NETO1: variants seen among roughly 807,000 people sequenced by gnomAD.
NETO1 encodes neuropilin and tolloid-like protein 1.
NETO1 carries 26 observed loss-of-function variants against 61.3 expected under a neutral mutation model. That is an observed-to-expected ratio of 0.42 (90% CI 0.31 to 0.59). The LOEUF is 0.59. NETO1 is among the 20% of genes least tolerant of loss of function. The pLI, the probability that NETO1 is intolerant of heterozygous loss-of-function variation, is 0.12. For synonymous variants in NETO1, 225 were observed against 225.8 expected (o/e 1.00, Z 0.03); for missense variants, 531 against 662.8 (o/e 0.80, Z 2.18).
In NETO1 at chr18:72,867,146, C is replaced by A. The variant is rs2074763937; in HGVS notation, c.28+118G>T. 5 of 697,178 alleles carry A rather than the reference C, an allele frequency of 7.2e-6. No homozygotes were observed. In the South Asian group the frequency reaches 1.2e-4, roughly 17 times the overall value. 43.2% of individuals were successfully genotyped at this position (697,178 alleles called of 1,614,324 possible). ...AAGTTTACGTCGGCCCCGACCCGCGCGGGACTGCAGGGTCCGCCGGAGCGC... is the reference window on the plus strand; with the variant it reads ...AAGTTTACGTCGGCCCCGACCCGCGAGGGACTGCAGGGTCCGCCGGAGCGC... On this transcript the variant is annotated intron_variant, in intron 1 of 10. Transcript: ENST00000327305.
Position 72,747,665 on chromosome 18 carries a change from C to T in NETO1, c.*514G>A, listed in dbSNP as rs1305102740. On this transcript the variant is annotated 3_prime_UTR_variant, in exon 11 of 11. Coordinates refer to ENST00000327305, the MANE Select transcript of NETO1 (RefSeq NM_138966.5). ...GGTGTGTATAGTCCATAACCTCTAG[C>T]TGGTGATTCCATGGTCCACACTGTC... 1 of 152,056 alleles carries T rather than the reference C, an allele frequency of 6.6e-6. No individual in the cohort carries two copies. The highest frequency in any genetic ancestry group is 1.5e-5 in the Non-Finnish European group (1 of 67,968). 9.4% of individuals were successfully genotyped at this position (152,056 alleles called of 1,614,324 possible).
downstream of NETO1, chr18:72,742,478 A>T (rs1420171180): frequency 3.3e-5 from 5 of 152,210 alleles, no homozygotes; most frequent in Admixed American, 6.5e-5. Context: ...TATAGGATAT[A>T]AAAAATATCT....
chr18:72,858,710 A>T (rs576367082), intron 4 of NETO1, 116 bp downstream of exon 4: 2 of 1,087,070 alleles, frequency 1.8e-6, no homozygotes, highest in African/African-American at 1.6e-5. Flanking sequence ...ATTTGGTTTT[A>T]AATAGAACTG....
At chr18:72,798,869 A>C (rs992449962) in intron 4 of NETO1, among the ~76,000 whole-genome samples, 1 of 152,222 alleles carries the variant, frequency 6.6e-6, no homozygotes, top group Admixed American at 6.5e-5. Flanking sequence ...ACATTCTCCA[A>C]GACCACTCTG....
Position 72,861,183 on chromosome 18 carries a change from G to A in NETO1, c.221-2109C>T, listed in dbSNP as rs543434544. ...TCTGTGGCTGAGTCAACCTCTCGATGTTCCCCAGGAAACATTCCGCCATTA... is the reference window on the plus strand; with the variant it reads ...TCTGTGGCTGAGTCAACCTCTCGATATTCCCCAGGAAACATTCCGCCATTA... On this transcript the variant is annotated intron_variant, in intron 3 of 10. Transcript: ENST00000327305. Among the ~76,000 whole-genome samples the A allele has an allele frequency of 6.6e-5, 10 of 152,264 alleles. No homozygotes were observed. In the East Asian group the frequency reaches 7.7e-4, roughly 12 times the overall value.
At chr18:72,851,150 G>A (rs1318337899) in intron 4 of NETO1, among the ~76,000 whole-genome samples, 1 of 151,976 alleles carries the variant, frequency 6.6e-6, no homozygotes, top group Non-Finnish European at 1.5e-5. Flanking sequence ...GGTGGCTCAC[G>A]CCTGTAATCC....
chr18:72,835,260 A>T (rs1256173932), intron 4 of NETO1: 1 of 1,549,592 alleles, frequency 6.5e-7, no homozygotes, highest in Non-Finnish European at 8.8e-7. Flanking sequence ...AGATGAGATG[A>T]TGGAGAAGGA....
chr18:72,865,572 C>T (rs563646173), intron 1 of NETO1: 17 of 1,607,382 alleles, frequency 1.1e-5, no homozygotes, highest in Admixed American at 1.7e-5. Context: ...ATCTAAACTA[C>T]CCTTAGGGAA....
At chr18:72,850,807 G>A (rs1189720667) in intron 4 of NETO1, among the ~76,000 whole-genome samples, 1 of 152,206 alleles carries the variant, frequency 6.6e-6, no homozygotes, top group African/African-American at 2.4e-5. Context: ...AGTGAGGGGT[G>A]TGGGTGCTGG....
chr18:72,758,955 G>C (rs115670867), intron 7 of NETO1, among the ~76,000 whole-genome samples: 137 of 152,190 alleles, frequency 9.0e-4, no homozygotes, highest in African/African-American at 3.2e-3. Flanking sequence ...TATTATATTG[G>C]GTTCCGAATT....
rs115968135 is a variant in NETO1, at chr18:72,817,420, C to A, written c.470-23016G>T. Among the ~76,000 whole-genome samples the A allele has an allele frequency of 1.9e-3, 289 of 152,254 alleles. 2 individuals are homozygous for A. Among genetic ancestry groups the A allele is most frequent in the African/African-American group, 6.6e-3 (272 of 41,524 alleles). ...AGCCATTCCAGTGCTCAGGCTGTTG[C>A]CAAATGGAGAAGAACCAACTAGTCA... On this transcript the variant is annotated intron_variant, in intron 4 of 10. Coordinates refer to ENST00000327305, the MANE Select transcript of NETO1 (RefSeq NM_138966.5).
intron 4 of NETO1, among the ~76,000 whole-genome samples, chr18:72,810,858 G>C (rs149166728): frequency 6.6e-6 from 1 of 152,310 alleles, no homozygotes; most frequent in East Asian, 1.9e-4. Flanking sequence ...GGTGATGTTA[G>C]AAGGAAAGAA....
chr18:72,818,750 T>C (rs1322552891), intron 4 of NETO1, among the ~76,000 whole-genome samples: 1 of 152,228 alleles, frequency 6.6e-6, no homozygotes, highest in Non-Finnish European at 1.5e-5. Context: ...TAAAATATCA[T>C]GCTCATTATA....
rs1184431038 is a variant in NETO1 at position 72,855,566 on chromosome 18, ACCT to A, written c.469+3257_469+3259del. Among the ~76,000 whole-genome samples, 6 of 152,146 alleles carry A rather than the reference ACCT, an allele frequency of 3.9e-5. No individual in the cohort carries two copies. In the South Asian group the frequency reaches 1.2e-3, roughly 32 times the overall value. ...TCCGTATCCTCCACATCCGTGCGGG[ACCT>A]CCAGTTGGGCTGTTCCCACGTACAA... On this transcript the variant is annotated intron_variant, in intron 4 of 10. Transcript: ENST00000327305.
intron 4 of NETO1, among the ~76,000 whole-genome samples, chr18:72,825,787 T>A (rs1024545100): frequency 6.6e-6 from 1 of 152,190 alleles, no homozygotes; most frequent in Non-Finnish European, 1.5e-5. Context: ...CTGGTAACCA[T>A]GCGATCTTTA....
chr18:72,792,633 AG>A (rs998161727), intron 6 of NETO1, among the ~76,000 whole-genome samples: 2 of 151,496 alleles, frequency 1.3e-5, no homozygotes, highest in African/African-American at 4.9e-5. Flanking sequence ...CCTTCTTTGC[AG>A]GAAAAAAAAC....
At chr18:72,838,724 T>C (rs1035796184) in intron 4 of NETO1, among the ~76,000 whole-genome samples, 3 of 152,204 alleles carry the variant, frequency 2.0e-5, no homozygotes, top group Admixed American at 6.5e-5. Context: ...AGGATAAAAA[T>C]GCTTCTACTC....
chr18:72,809,365 T>C (rs1190276043), intron 4 of NETO1, among the ~76,000 whole-genome samples: 2 of 152,206 alleles, frequency 1.3e-5, no homozygotes, highest in African/African-American at 2.4e-5. Context: ...GAAAATTTAA[T>C]ATGCTGAACC....
In NETO1 at chr18:72,765,873, G is replaced by A. The variant is rs143559505; in HGVS notation, c.869-9726C>T. 2.3e-3 allele frequency among the ~76,000 whole-genome samples: 348 copies of A among 152,256 alleles called. 2 individuals carry two copies. Among genetic ancestry groups the A allele is most frequent in the African/African-American group, 7.8e-3 (323 of 41,552 alleles). ...AGATATCAATTATGAGTAATCAACT[G>A]AAGATGCAAATTTTTAAAAACTTCA... On this transcript the variant is annotated intron_variant, in intron 7 of 10. Coordinates refer to ENST00000327305, the MANE Select transcript of NETO1 (RefSeq NM_138966.5).
Sources: allele counts gnomAD v4.1 joint callset (sites outside exome capture counted in the v4.1 genomes callset), GRCh38; gene constraint gnomAD v4.1.1; transcripts MANE v1.5; gene names NCBI Gene and HGNC (gene_info 2026-07-23, HGNC 2026-07-21).